DNMT1: variants seen among roughly 807,000 people sequenced by gnomAD.
DNMT1 encodes DNA methyltransferase 1.
In DNMT1, 24 loss-of-function variants were observed where a neutral mutation model predicts 205.3. The observed-to-expected ratio is 0.12, with a 90% CI of 0.08 to 0.16. The LOEUF (loss-of-function observed/expected upper bound fraction) is 0.16. Among genes scored for constraint, DNMT1 ranks in the 10% least tolerant of loss-of-function variants. The pLI is 1.00. For missense variants in DNMT1, 1,293 were observed against 2,177.7 expected (o/e 0.59, Z 8.09); for synonymous variants, 817 against 839.8 (o/e 0.97, Z 0.47).
chr19:10,164,927 A>T, intron 11 of DNMT1, among the ~76,000 whole-genome samples: 1 of 50,890 alleles, frequency 2.0e-5, no homozygotes, highest in African/African-American at 9.0e-5. Flanking sequence ...AAAAAAAAAA[A>T]AAAAAAAAAA....
intron 29 of DNMT1, 76 bp from the exon 30 acceptor site, chr19:10,142,296 T>A (rs2089615965): frequency 6.2e-7 from 1 of 1,604,068 alleles, no homozygotes; most frequent in Non-Finnish European, 8.5e-7. Flanking sequence ...ACCATGTTCC[T>A]GGGGTGCTCA....
chr19:10,137,170 G>C lies in DNMT1; in HGVS notation c.4404C>G (p.Ala1468=), dbSNP rs1568219883. Reference sequence around the variant, plus strand: ...CATGGTGGGTATACCGCAGCTTCCTGGCCATGGTGCCGTCTGAGAGCCGCA... The same window carrying C: ...CATGGTGGGTATACCGCAGCTTCCTCGCCATGGTGCCGTCTGAGAGCCGCA... The part of the protein sequence containing the change: ...IEVRLSDGTM[A]RKLRYTHHDR... Residue 1468 remains alanine (A), a synonymous_variant, in exon 37 of 41, where the codon GCC becomes GCG. Coordinates refer to ENST00000359526, the MANE Select transcript of DNMT1 (RefSeq NM_001130823.3). The surrounding 1 kb of genome is among the most constrained non-coding windows in gnomAD (Gnocchi z 6.4). 3 of 1,610,004 alleles carry C rather than the reference G, an allele frequency of 1.9e-6. No individual in the cohort carries two copies. Among genetic ancestry groups the C allele is most frequent in the Non-Finnish European group, 2.5e-6 (3 of 1,178,908 alleles).
chr19:10,174,152 G>C (rs1207957226), intron 7 of DNMT1, among the ~76,000 whole-genome samples: 1 of 152,154 alleles, frequency 6.6e-6, no homozygotes, highest in South Asian at 2.1e-4. Context: ...GAGATCGCCT[G>C]GTGATACTAT....
chr19:10,159,555 C>T lies in DNMT1; in HGVS notation c.1280+103G>A. The T allele has an allele frequency of 8.6e-7, 1 of 1,161,114 alleles. No individual in the cohort carries two copies. Among genetic ancestry groups the T allele is most frequent in the Non-Finnish European group, 1.3e-6 (1 of 789,388 alleles). 71.9% of individuals were successfully genotyped at this position (1,161,114 alleles called of 1,614,324 possible). A position where few individuals can be genotyped will look rare whatever the true frequency, so the allele number is the denominator to read the frequency against. On this transcript the variant is annotated intron_variant, in intron 17 of 40. Transcript: ENST00000359526. The surrounding 1 kb of genome is among the most constrained non-coding windows in gnomAD (Gnocchi z 5.0). ...CGAAGTGTTAGCTTAAGACATGTTGCAGGTCAGGCACTAAAAAACATCACC... is the reference window on the plus strand; with the variant it reads ...CGAAGTGTTAGCTTAAGACATGTTGTAGGTCAGGCACTAAAAAACATCACC...
At position 10,162,665 on chromosome 19, in the gene DNMT1, A is replaced by T; in HGVS notation, c.1008+2T>A. The stretch of plus-strand genomic sequence containing the variant: ...AGAAAGAAAGAAAAGTGAGACCTTT[A>T]CCTTTTCATCCTCGTCTTTTTCATC... On this transcript the variant is annotated splice_donor_variant, in intron 13 of 40. Transcript: ENST00000359526. LOFTEE classifies it high-confidence loss of function. The T allele has an allele frequency of 6.2e-7, 1 of 1,602,242 alleles. No individual in the cohort carries two copies. Among genetic ancestry groups the T allele is most frequent in the Non-Finnish European group, 8.5e-7 (1 of 1,171,708 alleles).
intron 1 of DNMT1, among the ~76,000 whole-genome samples, chr19:10,193,960 G>C (rs1240109051): frequency 6.6e-6 from 1 of 152,142 alleles, no homozygotes; most frequent in Non-Finnish European, 1.5e-5. Context: ...ACGGAAGTTG[G>C]ACAGAGGCAT....
At chr19:10,144,408 AC>A in intron 28 of DNMT1, 1 of 219,076 alleles carries the variant, frequency 4.6e-6, no homozygotes, top group African/African-American at 2.3e-5. Flanking sequence ...ACTCCATCTC[AC>A]AGAAAAAAAA....
chr19:10,147,887 G>T (rs977790607), intron 27 of DNMT1, among the ~76,000 whole-genome samples: 2 of 151,890 alleles, frequency 1.3e-5, no homozygotes, highest in African/African-American at 4.8e-5. Context: ...GCCGAAGCGG[G>T]TAGATCACCT....
intron 27 of DNMT1, among the ~76,000 whole-genome samples, chr19:10,148,511 A>C (rs1006225716): frequency 2.0e-5 from 3 of 150,106 alleles, no homozygotes; most frequent in Non-Finnish European, 4.4e-5. Flanking sequence ...AAAAAAAAGA[A>C]AAAAAAAAAG....
chr19:10,144,894 A>G (rs1234572696), intron 28 of DNMT1: 3 of 152,186 alleles, frequency 2.0e-5, no homozygotes, highest in Non-Finnish European at 2.9e-5. Context: ...GCCCACCACC[A>G]CACCCAGCTA....
At chr19:10,181,317 G>A (rs541802798) in intron 2 of DNMT1, among the ~76,000 whole-genome samples, 168 of 152,122 alleles carry the variant, frequency 1.1e-3, no homozygotes, top group Middle Eastern at 3.4e-3. Flanking sequence ...GGGCATGGTG[G>A]CTTGAGCCTG....
rs772043374 is a variant in DNMT1, at chr19:10,175,648, T to C, written c.570-30A>G. ...CACACACAGTGAGGCCAACCATTAG[T>C]GGAACAAGACCCTAGGCCTCCAGCT... On this transcript the variant is annotated intron_variant, in intron 6 of 40. Transcript: ENST00000359526. 5.0e-6 allele frequency: 8 copies of C among 1,612,402 alleles called. No homozygotes were observed. In the Admixed American group the frequency reaches 8.3e-5, roughly 17 times the overall value.
Position 10,160,198 on chromosome 19 carries a change from G to A in DNMT1, c.1044-135C>T, listed in dbSNP as rs567804391. The A allele has an allele frequency of 5.3e-5, 81 of 1,535,408 alleles. 1 individual carries two copies. The highest frequency in any genetic ancestry group is 3.4e-4 in the Middle Eastern group (2 of 5,928). On this transcript the variant is annotated intron_variant, in intron 14 of 40. Transcript: ENST00000359526. ...GGCTGTGGCAGTGAGGCCCAGGCGC[G>A]TGGTCACAGTGGCTCTTCACCGCAG...
chr19:10,157,100 G>A (rs1028198915), intron 17 of DNMT1, among the ~76,000 whole-genome samples: 1 of 152,176 alleles, frequency 6.6e-6, no homozygotes, highest in African/African-American at 2.4e-5. Context: ...ACTATGCAGT[G>A]CAGCCACTAG....
In DNMT1 at chr19:10,139,968, A is replaced by G. The variant is rs1186183217; in HGVS notation, c.3806+78T>C. On this transcript the variant is annotated intron_variant, in intron 33 of 40. Coordinates refer to ENST00000359526, the MANE Select transcript of DNMT1 (RefSeq NM_001130823.3). Reference sequence around the variant, plus strand: ...TTCCGGGGGGCAGAGGCCTCAGTGCAGGGCGAAAATGACCACTGCTGACAT... The same window carrying G: ...TTCCGGGGGGCAGAGGCCTCAGTGCGGGGCGAAAATGACCACTGCTGACAT... The G allele has an allele frequency of 2.1e-5, 33 of 1,599,682 alleles. No homozygotes were observed. In the Middle Eastern group the frequency reaches 6.6e-4, roughly 32 times the overall value.
intron 13 of DNMT1, among the ~76,000 whole-genome samples, chr19:10,162,161 C>T (rs2038582594): frequency 6.8e-6 from 1 of 147,962 alleles, no homozygotes; most frequent in Middle Eastern, 3.5e-3. Context: ...TTTTTTGAGA[C>T]AGAGTCTTGC....
rs199577566 is a variant in DNMT1, at chr19:10,162,651, A to C, written c.1008+16T>G. On this transcript the variant is annotated intron_variant, in intron 13 of 40. Coordinates refer to ENST00000359526, the MANE Select transcript of DNMT1 (RefSeq NM_001130823.3). ...AAAAAAAAAAAAAAAGAAAGAAAGA[A>C]AAGTGAGACCTTTACCTTTTCATCC... 1 of 1,601,612 alleles carries C rather than the reference A, an allele frequency of 6.2e-7. No individual in the cohort carries two copies. Among genetic ancestry groups the C allele is most frequent in the East Asian group, 2.2e-5 (1 of 44,790 alleles).
At chr19:10,162,366 C>T (rs1225695418) in intron 13 of DNMT1, among the ~76,000 whole-genome samples, 1 of 151,594 alleles carries the variant, frequency 6.6e-6, no homozygotes, top group Non-Finnish European at 1.5e-5. Context: ...ACCTCCCAGG[C>T]TCAAGCGATT....
chr19:10,179,149 AAT>A (rs2145374352), intron 5 of DNMT1, among the ~76,000 whole-genome samples: 1 of 148,848 alleles, frequency 6.7e-6, no homozygotes, highest in East Asian at 2.1e-4. Context: ...AAAAAAAAAA[AAT>A]TTCCATTAGA....
Sources: gnomAD v4.1 joint callset for allele counts (sites outside exome capture counted in the v4.1 genomes callset) on GRCh38, gnomAD v4.1.1 for gene constraint, Gnocchi (gnomAD v3.1) non-coding constraint, MANE v1.5 for transcripts, NCBI Gene and HGNC (gene_info 2026-07-23, HGNC 2026-07-21) for gene names.